PTPRS: variants seen among roughly 807,000 people sequenced by gnomAD.
PTPRS encodes the protein receptor-type tyrosine-protein phosphatase S.
PTPRS carries 63 observed loss-of-function variants against 215.3 expected under a neutral mutation model. The ratio of observed to expected loss-of-function variants is 0.29; its 90% confidence interval spans 0.24 to 0.36. The LOEUF is 0.36. Among genes scored for constraint, PTPRS ranks in the 10% least tolerant of loss-of-function variants. The probability of loss-of-function intolerance (pLI) is 1.00; values close to 1 mark genes in which losing one functional copy is unlikely to be tolerated. For missense variants in PTPRS, 2,258 were observed against 2,825.8 expected (o/e 0.80, Z 4.56); for synonymous variants, 1,404 against 1,191.4 (o/e 1.18, Z -3.68).
intron 1 of PTPRS, among the ~76,000 whole-genome samples, chr19:5,317,061 A>G (rs2049896112): frequency 6.6e-6 from 1 of 152,154 alleles, no homozygotes; most frequent in Admixed American, 6.6e-5. Context: ...GGGTTTGTCA[A>G]CTCACACTTT....
intron 7 of PTPRS, among the ~76,000 whole-genome samples, chr19:5,258,810 G>A (rs1324302318): frequency 6.6e-6 from 1 of 152,204 alleles, no homozygotes; most frequent in Non-Finnish European, 1.5e-5. Flanking sequence ...TCAAAGCCAT[G>A]GATCCAAGCC....
chr19:5,335,243 C>A (rs72987107), intron 1 of PTPRS, among the ~76,000 whole-genome samples: 1 of 152,200 alleles, frequency 6.6e-6, no homozygotes, highest in East Asian at 1.9e-4. Context: ...CGACTGACTG[C>A]GGACGCGTTG....
chr19:5,229,532 CGCG>C lies in PTPRS; in HGVS notation c.2305_2307del (p.Arg769del). On this transcript the variant is annotated inframe_deletion, in exon 15 of 38. Transcript: ENST00000262963. ...ATGACGTCCTTGATGCGCGGCGGCC[CGCG>C]GGCCTCGGCGCCCTCCATGCGCACG... is the stretch of plus-strand genomic sequence containing the variant. 1 of 1,465,120 alleles carries C rather than the reference CGCG, an allele frequency of 6.8e-7. No individual in the cohort carries two copies. The highest frequency in any genetic ancestry group is 9.0e-7 in the Non-Finnish European group (1 of 1,110,620). 90.8% of individuals were successfully genotyped at this position (1,465,120 alleles called of 1,614,324 possible). A position where few individuals can be genotyped will look rare whatever the true frequency, so the allele number is the denominator to read the frequency against.
intron 1 of PTPRS, among the ~76,000 whole-genome samples, chr19:5,314,657 C>T (rs1281243835): frequency 6.6e-6 from 1 of 152,064 alleles, no homozygotes; most frequent in Non-Finnish European, 1.5e-5. Flanking sequence ...CCCAAAGTGC[C>T]TGGGATTACA....
At position 5,339,691 on chromosome 19, in the gene PTPRS, A is replaced by C. The variant is rs1334765537; in HGVS notation, c.-95+973T>G. Among the ~76,000 whole-genome samples the C allele has an allele frequency of 6.6e-6, 1 of 151,904 alleles. No homozygotes were observed. The highest frequency in any genetic ancestry group is 1.5e-5 in the Non-Finnish European group (1 of 67,912). On this transcript the variant is annotated intron_variant, in intron 1 of 37. Transcript: ENST00000262963. The surrounding 1 kb of genome is among the most constrained non-coding windows in gnomAD (Gnocchi z 4.2). ...CACTCTAACCTGGGGGGCTCCCCTC[A>C]GGGCACGCCCCGCGCCCCCTTTAAC...
chr19:5,245,939 G>A lies in PTPRS; in HGVS notation c.825C>T (p.Tyr275=), dbSNP rs769795268. The change falls in exon 10 of 38, where the codon TAC becomes TAT. Residue 275 remains tyrosine (Y), a synonymous_variant. Coordinates refer to ENST00000262963, the MANE Select transcript of PTPRS (RefSeq NM_002850.4). ...CCTCGGCCCCCTGCATCCACTTCAC[G>A]TATGGCATGGGCGAGCCCACGGCCA... ...TCVAVGSPMP[Y]VKWMQGAEDL... 2.5e-5 allele frequency: 41 copies of A among 1,612,954 alleles called. No individual in the cohort carries two copies. Among genetic ancestry groups the A allele is most frequent in the East Asian group, 6.7e-5 (3 of 44,838 alleles).
intron 1 of PTPRS, among the ~76,000 whole-genome samples, chr19:5,302,291 G>C (rs937353658): frequency 6.6e-6 from 1 of 152,148 alleles, no homozygotes; most frequent in Non-Finnish European, 1.5e-5. Flanking sequence ...TTGTGACCAG[G>C]AGTTTGAGGT....
At position 5,222,902 on chromosome 19, in the gene PTPRS, T is replaced by C. The variant is rs1379482387; in HGVS notation, c.2890A>G (p.Lys964Glu). ...GCCTCCCGCACGGCCACCGTGTATT[T>C]GACGATGGCCCCGTTGCGCTCGGCG... The part of the protein sequence containing the change: ...VPAERNGAIV[K>E]YTVAVREAGA... Residue 964 changes from lysine (K) to glutamate (E), a missense_variant, in exon 18 of 38, where the codon AAA becomes GAA. Physicochemically the swap from Lys to Glu is moderately conservative, Grantham distance 56 (BLOSUM62 1). This residue lies in a region of PTPRS where 361 missense variants were observed against 332.6 expected (regional missense o/e 1.09). Transcript: ENST00000262963. 1 of 1,573,266 alleles carries C rather than the reference T, an allele frequency of 6.4e-7. No homozygotes were observed. The highest frequency in any genetic ancestry group is 8.6e-7 in the Non-Finnish European group (1 of 1,166,384).
At chr19:5,225,667 C>A in intron 17 of PTPRS, 60 bp downstream of exon 17, 1 of 1,417,950 alleles carries the variant, frequency 7.1e-7, no homozygotes, top group Non-Finnish European at 1.0e-6. Context: ...TGGAGTCACG[C>A]TCTGGTGCCA....
chr19:5,292,562 T>G (rs1284204355), intron 1 of PTPRS, among the ~76,000 whole-genome samples: 2 of 152,084 alleles, frequency 1.3e-5, no homozygotes, highest in African/African-American at 4.8e-5. Flanking sequence ...CACAGGCCCC[T>G]CCCTGAGGCC....
intron 2 of PTPRS, among the ~76,000 whole-genome samples, chr19:5,278,900 G>GAA (rs1251582848): frequency 6.6e-6 from 1 of 151,764 alleles, no homozygotes; most frequent in African/African-American, 2.4e-5. Context: ...TTTTTAAAAT[G>GAA]AAAAAAGGGG....
rs59799136 is a variant in PTPRS at position 5,300,767 on chromosome 19, C to CAA, written c.-94-14535_-94-14534dup. ...TGGGTGATAGAACAAGACTCCGTCT[C>CAA]AAAAAAAAAAAAAAAAAAGAAAAGA... On this transcript the variant is annotated intron_variant, in intron 1 of 37. Transcript: ENST00000262963. Among the ~76,000 whole-genome samples, 154 of 97,668 alleles carry CAA rather than the reference C, an allele frequency of 1.6e-3. 1 individual carries two copies. Among genetic ancestry groups the CAA allele is most frequent in the Admixed American group, 4.4e-3 (40 of 9,134 alleles). The allele number at this position is 97,668 out of a possible 152,430, so 64.1% of individuals were successfully genotyped here.
At chr19:5,273,108 C>T (rs2047060144) in intron 4 of PTPRS, 2 of 314,574 alleles carry the variant, frequency 6.4e-6, no homozygotes, top group Non-Finnish European at 1.2e-5. Flanking sequence ...TGAAGCCAGC[C>T]ACTCCATGGA....
At chr19:5,290,137 C>T (rs1267078839) in intron 1 of PTPRS, among the ~76,000 whole-genome samples, 1 of 152,210 alleles carries the variant, frequency 6.6e-6, no homozygotes, top group Non-Finnish European at 1.5e-5. Context: ...CCATGTGGGG[C>T]TCAGGGAGGG....
At chr19:5,220,436 G>A in intron 20 of PTPRS, 83 bp from the exon 21 acceptor site, 7 of 1,100,244 alleles carry the variant, frequency 6.4e-6, no homozygotes, top group East Asian at 5.0e-5. Flanking sequence ...GGGGGAAGCC[G>A]TTTCTCTGAG....
chr19:5,231,280 G>A (rs762162961), intron 14 of PTPRS, 30 bp downstream of exon 14: 3 of 1,571,984 alleles, frequency 1.9e-6, no homozygotes, highest in African/African-American at 2.7e-5. Context: ...GGGGCCTGCG[G>A]GGGGTCCCGG....
chr19:5,337,249 G>T (rs1369240865), intron 1 of PTPRS, among the ~76,000 whole-genome samples: 2 of 152,170 alleles, frequency 1.3e-5, no homozygotes, highest in African/African-American at 4.8e-5. Flanking sequence ...TATTTTTAGG[G>T]TTTTCCCTCC....
intron 1 of PTPRS, among the ~76,000 whole-genome samples, chr19:5,303,081 C>A (rs985788251): frequency 1.3e-5 from 2 of 151,624 alleles, no homozygotes; most frequent in African/African-American, 4.8e-5. Flanking sequence ...AAAACAAAAA[C>A]AAAAACAAAA....
chr19:5,240,213 C>G lies in PTPRS; in HGVS notation c.1690G>C (p.Asp564His). Reference protein sequence around the residue: ...IKYELLFREGDHGREVGRTFD... With the variant: ...IKYELLFREGHHGREVGRTFD... ...CGCTGCCTCACCTCCCGGCCATGGT[C>G]GCCTTCCCGGAAGAGGAGCTCGTAC... is the stretch of plus-strand genomic sequence containing the variant. The change falls in exon 12 of 38, where the codon GAC (aspartate) becomes CAC (histidine). Residue 564 changes from aspartate to histidine, a missense_variant. Asp to His is a moderately conservative substitution (Grantham distance 81). Transcript: ENST00000262963. 6.5e-7 allele frequency: 1 copy of G among 1,547,286 alleles called. No individual in the cohort carries two copies. The highest frequency in any genetic ancestry group is 8.7e-7 in the Non-Finnish European group (1 of 1,145,788).
Sources: allele counts gnomAD v4.1 joint callset (sites outside exome capture counted in the v4.1 genomes callset), GRCh38; gene constraint gnomAD v4.1.1; regional missense constraint gnomAD v4.1.1; non-coding constraint Gnocchi (gnomAD v3.1); transcripts MANE v1.5; gene names NCBI Gene and HGNC (gene_info 2026-07-23, HGNC 2026-07-21).